ATXN1: variants seen among roughly 807,000 people sequenced by gnomAD.
ATXN1 encodes the protein ataxin 1.
ATXN1 carries 8 observed loss-of-function variants against 56.4 expected under a neutral mutation model. The observed-to-expected ratio is 0.14, with a 90% confidence interval of 0.08 to 0.26. The LOEUF (loss-of-function observed/expected upper bound fraction) is 0.26, where lower values mean the gene tolerates loss of function less well. Ranked by LOEUF, ATXN1 falls within the 10% of genes least tolerant of loss-of-function variation. The probability of loss-of-function intolerance (pLI) is 1.00; values close to 1 mark genes in which losing one functional copy is unlikely to be tolerated. For missense variants in ATXN1, 987 were observed against 1,106.5 expected, an observed-to-expected ratio of 0.89 and a Z score of 1.53; for synonymous variants, 514 against 494.6, an observed-to-expected ratio of 1.04 and a Z score of -0.52.
chr6:16,477,777 A>G (rs991508951), intron 6 of ATXN1, among the ~76,000 whole-genome samples: 2 of 152,220 alleles, frequency 1.3e-5, no homozygotes, highest in Admixed American at 6.5e-5. Flanking sequence ...TTCTGCCTGG[A>G]CTACCCATTA....
chr6:16,384,694 A>C (rs1024023896), intron 6 of ATXN1, among the ~76,000 whole-genome samples: 12 of 152,226 alleles, frequency 7.9e-5, no homozygotes, highest in Middle Eastern at 6.8e-3. Flanking sequence ...TGGTTGTTTA[A>C]AAGTGTGTAG....
chr6:16,692,389 T>C (rs1011579424), intron 2 of ATXN1, among the ~76,000 whole-genome samples: 1 of 152,234 alleles, frequency 6.6e-6, no homozygotes, highest in African/African-American at 2.4e-5. Context: ...ATCTGTATGA[T>C]TACTTTGGGT....
At chr6:16,569,296 A>G (rs1480658776) in intron 4 of ATXN1, among the ~76,000 whole-genome samples, 1 of 152,142 alleles carries the variant, frequency 6.6e-6, no homozygotes, top group Non-Finnish European at 1.5e-5. Flanking sequence ...AGGTGGGCGG[A>G]TCACCTGAGG....
intron 2 of ATXN1, among the ~76,000 whole-genome samples, chr6:16,706,953 TA>T (rs1759422684): frequency 6.6e-6 from 1 of 152,166 alleles, no homozygotes; most frequent in African/African-American, 2.4e-5. Flanking sequence ...ATTGAATCTC[TA>T]TCATCTCTTT....
intron 4 of ATXN1, among the ~76,000 whole-genome samples, chr6:16,525,163 G>A (rs114710576): frequency 0.026 from 4,011 of 152,228 alleles, 190 homozygotes; most frequent in African/African-American, 0.09. Flanking sequence ...GAAATCCCAC[G>A]ACTGGGTATA....
intron 2 of ATXN1, among the ~76,000 whole-genome samples, chr6:16,728,324 C>T (rs1444356061): frequency 3.9e-5 from 6 of 152,176 alleles, no homozygotes; most frequent in East Asian, 1.9e-4. Context: ...GAAAACTTTC[C>T]GTCCCGGAGA....
At chr6:16,464,269 T>C (rs1760057287) in intron 6 of ATXN1, among the ~76,000 whole-genome samples, 1 of 152,288 alleles carries the variant, frequency 6.6e-6, no homozygotes, top group South Asian at 2.1e-4. Flanking sequence ...ATAAGTGCTC[T>C]GTAAAACGCA....
intron 2 of ATXN1, among the ~76,000 whole-genome samples, chr6:16,723,996 C>G (rs1759797571): frequency 6.6e-6 from 1 of 152,150 alleles, no homozygotes; most frequent in African/African-American, 2.4e-5. Flanking sequence ...AAAGTAACCT[C>G]AAGCATGATG....
chr6:16,580,900 G>A (rs565205027), intron 4 of ATXN1, among the ~76,000 whole-genome samples: 1 of 152,232 alleles, frequency 6.6e-6, no homozygotes, highest in Admixed American at 6.5e-5. Context: ...AAGGAAGGGT[G>A]GGAGAAAAGG....
intron 6 of ATXN1, among the ~76,000 whole-genome samples, chr6:16,380,623 C>T (rs1479015590): frequency 1.3e-5 from 2 of 152,092 alleles, no homozygotes; most frequent in African/African-American, 4.8e-5. Flanking sequence ...ATTGTCTTTT[C>T]TGCACACGCG....
chr6:16,594,157 A>AATAT lies in ATXN1; in HGVS notation c.-488-8254_-488-8251dup, dbSNP rs60089226. 1.6e-3 allele frequency among the ~76,000 whole-genome samples: 241 copies of AATAT among 146,980 alleles called. 1 individual carries two copies. Among genetic ancestry groups the AATAT allele is most frequent in the African/African-American group, 2.9e-3 (117 of 40,242 alleles). On this transcript the variant is annotated intron_variant, in intron 3 of 7. Coordinates refer to ENST00000436367, the MANE Select transcript of ATXN1 (RefSeq NM_001128164.2). The stretch of plus-strand genomic sequence containing the variant: ...TAGTCTAATTGTCATATATTAGACT[A>AATAT]ATATATATATATATGTCTGTTGACG...
intron 4 of ATXN1, among the ~76,000 whole-genome samples, chr6:16,551,040 C>T (rs1470215989): frequency 1.3e-5 from 2 of 152,254 alleles, no homozygotes; most frequent in Non-Finnish European, 2.9e-5. Flanking sequence ...ACTAGTATGG[C>T]TTTTCAGAGG....
chr6:16,366,508 C>T (rs1413007935), intron 6 of ATXN1, among the ~76,000 whole-genome samples: 3 of 152,110 alleles, frequency 2.0e-5, no homozygotes, highest in Non-Finnish European at 2.9e-5. Flanking sequence ...AGGCTGGGCA[C>T]GGTGGCTCAT....
At chr6:16,372,946 C>T (rs200359160) in intron 6 of ATXN1, among the ~76,000 whole-genome samples, 4,705 of 45,848 alleles carry the variant, frequency 0.1, 242 homozygotes, top group African/African-American at 0.16. Flanking sequence ...AACAAACAAA[C>T]AAACAAACAA....
chr6:16,365,938 G>A (rs1410996080), intron 6 of ATXN1, among the ~76,000 whole-genome samples: 2 of 151,978 alleles, frequency 1.3e-5, no homozygotes. Context: ...CTATATAGCC[G>A]TCTATCTATC....
chr6:16,411,125 C>CAAAAAAAAAAAAAAAAAAAAAAAA (rs746717153), intron 6 of ATXN1, among the ~76,000 whole-genome samples: 2 of 80,672 alleles, frequency 2.5e-5, no homozygotes, highest in Non-Finnish European at 4.7e-5. Context: ...ACCTCTGTGT[C>CAAAAAAAAAAAAAAAAAAAAAAAA]AAAAAAAAAA....
chr6:16,570,316 A>T (rs111535985), intron 4 of ATXN1, among the ~76,000 whole-genome samples: 1 of 152,342 alleles, frequency 6.6e-6, no homozygotes, highest in African/African-American at 2.4e-5. Flanking sequence ...TCTATTTGGG[A>T]AACTGAAGAA....
At chr6:16,669,806 A>G (rs1701783120) in intron 2 of ATXN1, among the ~76,000 whole-genome samples, 1 of 151,512 alleles carries the variant, frequency 6.6e-6, no homozygotes, top group Non-Finnish European at 1.5e-5. Context: ...CCCCAAATGC[A>G]TTAGGTATTT....
intron 2 of ATXN1, among the ~76,000 whole-genome samples, chr6:16,662,853 A>C (rs1234900257): frequency 1.3e-5 from 2 of 152,242 alleles, no homozygotes; most frequent in African/African-American, 4.8e-5. Flanking sequence ...GCTGTAATAA[A>C]TAGTCCTATA....
Sources: allele counts gnomAD v4.1 joint callset (sites outside exome capture counted in the v4.1 genomes callset), GRCh38; gene constraint gnomAD v4.1.1; transcripts MANE v1.5; gene names NCBI Gene and HGNC (gene_info 2026-07-23, HGNC 2026-07-21).